The following RBMS1 variants were observed in gnomAD, a reference collection of about 807,000 sequenced individuals.
The protein encoded by RBMS1 is RNA binding motif single stranded interacting protein 1.
A neutral mutation model predicts 62.3 loss-of-function variants in RBMS1; 17 were observed. The ratio of observed to expected loss-of-function variants is 0.27; its 90% confidence interval spans 0.19 to 0.41. RBMS1 has a LOEUF of 0.41. Among genes scored for constraint, RBMS1 ranks in the 10% least tolerant of loss-of-function variants. The pLI is 1.00. For synonymous variants in RBMS1, 172 were observed against 170.0 expected (o/e 1.01, Z -0.09); for missense variants, 334 against 504.5 (o/e 0.66, Z 3.24).
chr2:160,338,592 GCTAT>G (rs1315422620), intron 2 of RBMS1, among the ~76,000 whole-genome samples: 2 of 152,142 alleles, frequency 1.3e-5, no homozygotes, highest in Non-Finnish European at 2.9e-5. Context: ...TATCCTGCTT[GCTAT>G]CTATATATCT....
At chr2:160,385,578 A>G (rs1694525952) in intron 1 of RBMS1, among the ~76,000 whole-genome samples, 1 of 152,098 alleles carries the variant, frequency 6.6e-6, no homozygotes, top group Admixed American at 6.5e-5. Context: ...CTAAAGAGAG[A>G]GGCATTTGGG....
intron 2 of RBMS1, among the ~76,000 whole-genome samples, chr2:160,364,557 G>C (rs1056580191): frequency 6.6e-6 from 1 of 152,106 alleles, no homozygotes; most frequent in African/African-American, 2.4e-5. Context: ...TCCCTCTTTC[G>C]AGTCTGGGTG....
chr2:160,293,684 G>A (rs1165593468), intron 6 of RBMS1, among the ~76,000 whole-genome samples: 1 of 152,170 alleles, frequency 6.6e-6, no homozygotes, highest in African/African-American at 2.4e-5. Context: ...TGGTGGTGGT[G>A]GCGAGGGGGA....
At chr2:160,311,254 A>ATATATC (rs1689895723) in intron 4 of RBMS1, among the ~76,000 whole-genome samples, 2 of 133,470 alleles carry the variant, frequency 1.5e-5, no homozygotes, top group African/African-American at 5.4e-5. Context: ...ATATATATAT[A>ATATATC]TATAGTCTGT....
intron 5 of RBMS1, among the ~76,000 whole-genome samples, 188 bp from the exon 6 acceptor site, chr2:160,300,918 A>G (rs879362881): frequency 6.6e-6 from 1 of 152,222 alleles, no homozygotes; most frequent in Non-Finnish European, 1.5e-5. Flanking sequence ...TAGTAAAATG[A>G]CAACTGATAA....
At chr2:160,309,873 T>A (rs920293190) in intron 4 of RBMS1, among the ~76,000 whole-genome samples, 4 of 152,158 alleles carry the variant, frequency 2.6e-5, no homozygotes, top group African/African-American at 4.8e-5. Flanking sequence ...CATTTGCTCA[T>A]CTCACTATAA....
chr2:160,461,752 A>C (rs982823094), intron 1 of RBMS1, among the ~76,000 whole-genome samples: 1 of 152,248 alleles, frequency 6.6e-6, no homozygotes, highest in African/African-American at 2.4e-5. Flanking sequence ...ATTTGCCTAC[A>C]GCTAACAATT....
At chr2:160,312,566 TAA>T (rs1439217955) in intron 4 of RBMS1, among the ~76,000 whole-genome samples, 12 of 152,160 alleles carry the variant, frequency 7.9e-5, no homozygotes, top group Non-Finnish European at 1.8e-4. Flanking sequence ...AAATTTTGAA[TAA>T]AGTCATTATA....
intron 3 of RBMS1, among the ~76,000 whole-genome samples, chr2:160,313,788 A>G (rs920184686): frequency 2.0e-5 from 3 of 152,186 alleles, no homozygotes; most frequent in Non-Finnish European, 2.9e-5. Context: ...TAAAGATATC[A>G]TATTTATTTT....
intron 1 of RBMS1, among the ~76,000 whole-genome samples, chr2:160,426,218 GAAGA>G (rs57929883): frequency 0.065 from 3,175 of 48,520 alleles, 157 homozygotes; most frequent in African/African-American, 0.072. Context: ...GAGAGAGACA[GAAGA>G]AAGAAAGAAA....
intron 2 of RBMS1, among the ~76,000 whole-genome samples, chr2:160,339,411 T>C (rs572761202): frequency 6.6e-6 from 1 of 152,288 alleles, no homozygotes; most frequent in East Asian, 1.9e-4. Context: ...CAATGACTTG[T>C]TACTCGTTTT....
chr2:160,299,479 T>C (rs543806617), intron 6 of RBMS1, among the ~76,000 whole-genome samples: 1 of 152,048 alleles, frequency 6.6e-6, no homozygotes, highest in Non-Finnish European at 1.5e-5. Flanking sequence ...ATATCTATTT[T>C]AGTAACTGAA....
intron 12 of RBMS1, 111 bp downstream of exon 12, chr2:160,277,192 A>T: frequency 9.8e-7 from 1 of 1,020,912 alleles, no homozygotes. Context: ...GGCTAAACGC[A>T]ATTCTTTATG....
intron 1 of RBMS1, among the ~76,000 whole-genome samples, chr2:160,486,695 C>G (rs1685615591): frequency 6.6e-6 from 1 of 152,120 alleles, no homozygotes; most frequent in African/African-American, 2.4e-5. Context: ...GGCTGATGAC[C>G]AGATAAAGAG....
chr2:160,482,277 G>A (rs1480961796), intron 1 of RBMS1, among the ~76,000 whole-genome samples: 1 of 152,162 alleles, frequency 6.6e-6, no homozygotes, highest in Non-Finnish European at 1.5e-5. Flanking sequence ...AACAAAGATA[G>A]AAGTCACACT....
chr2:160,436,163 G>C (rs918836799), intron 1 of RBMS1, among the ~76,000 whole-genome samples: 2 of 152,196 alleles, frequency 1.3e-5, no homozygotes, highest in Non-Finnish European at 1.5e-5. Flanking sequence ...AGAAAAAGTA[G>C]AATCTACCTC....
At chr2:160,318,524 T>G (rs540650254) in intron 2 of RBMS1, among the ~76,000 whole-genome samples, 12 of 152,344 alleles carry the variant, frequency 7.9e-5, no homozygotes, top group Admixed American at 2.6e-4. Flanking sequence ...GGATGTGGGC[T>G]CTATACCAAA....
chr2:160,313,102 G>A (rs1690020515), intron 4 of RBMS1, 54 bp downstream of exon 4: 2 of 1,542,620 alleles, frequency 1.3e-6, no homozygotes, highest in East Asian at 4.5e-5. Flanking sequence ...AGACCTGTCG[G>A]GCTTCACAAC....
intron 1 of RBMS1, among the ~76,000 whole-genome samples, chr2:160,383,145 G>A (rs62177316): frequency 0.077 from 11,781 of 152,170 alleles, 643 homozygotes; most frequent in South Asian, 0.19. Flanking sequence ...CCCAATTCAG[G>A]AAAACAGAAG....
Sources: allele counts gnomAD v4.1 joint callset (sites outside exome capture counted in the v4.1 genomes callset), GRCh38; gene constraint gnomAD v4.1.1; transcripts MANE v1.5; gene names NCBI Gene and HGNC (gene_info 2026-07-23, HGNC 2026-07-21).